SNN: variants seen among roughly 807,000 people sequenced by gnomAD.
SNN encodes the protein AG8_1.
A neutral mutation model predicts 5.3 loss-of-function variants in SNN; 5 were observed. That is an observed-to-expected ratio of 0.94 (90% CI 0.49 to 1.97). SNN has a LOEUF of 1.97. Ranked by LOEUF, SNN falls within the 30% of genes most tolerant of loss-of-function variation. SNN has a pLI of 0.01. For synonymous variants in SNN, 67 were observed against 52.1 expected, an observed-to-expected ratio of 1.29 and a Z score of -1.24; for missense variants, 127 against 121.6, an observed-to-expected ratio of 1.04 and a Z score of -0.21.
At position 11,672,355 on chromosome 16, in the gene SNN, T is replaced by C. The variant is rs1190347055; in HGVS notation, c.-85-3620T>C. 6.6e-6 allele frequency among the ~76,000 whole-genome samples: 1 copy of C among 151,816 alleles called. No homozygotes were observed. The highest frequency in any genetic ancestry group is 1.5e-5 in the Non-Finnish European group (1 of 67,914). On this transcript the variant is annotated intron_variant, in intron 1 of 1. Coordinates refer to ENST00000329565, the MANE Select transcript of SNN (RefSeq NM_003498.6). This position sits in a 1 kb window ranked among gnomAD's most constrained non-coding sequence, Gnocchi z 6.0. ...AGGGCAAGGCTGTAGTGGTGGGGTG[T>C]GGGAGGAGGGGCGCCTGGGTCCAGG...
intron 1 of SNN, among the ~76,000 whole-genome samples, chr16:11,673,969 G>C (rs572655338): frequency 6.6e-6 from 1 of 152,364 alleles, no homozygotes; most frequent in African/African-American, 2.4e-5. Context: ...CTCTGCAGAA[G>C]CTGCCGGTTT....
rs1422634709 is a variant in SNN at position 11,677,725 on chromosome 16, T to C, written c.*1399T>C. On this transcript the variant is annotated 3_prime_UTR_variant, in exon 2 of 2. Transcript: ENST00000329565. This position sits in a 1 kb window ranked among gnomAD's most constrained non-coding sequence, Gnocchi z 4.2. ...CACAAGCACATACTAATTTTATTTA[T>C]GATTCAAATGTGACTCGTGCCTGCC... 6.1e-6 allele frequency: 1 copy of C among 164,156 alleles called. No individual in the cohort carries two copies. The highest frequency in any genetic ancestry group is 1.5e-5 in the Non-Finnish European group (1 of 67,114). The allele number at this position is 164,156 out of a possible 1,614,324, so 10.2% of individuals were successfully genotyped here.
At position 11,676,078 on chromosome 16, in the gene SNN, A is replaced by G; in HGVS notation, c.19A>G (p.Ser7Gly). 5 of 1,609,102 alleles carry G rather than the reference A, an allele frequency of 3.1e-6. No homozygotes were observed. Among genetic ancestry groups the G allele is most frequent in the Non-Finnish European group, 4.2e-6 (5 of 1,176,632 alleles). Residue 7 changes from serine (S) to glycine (G), a missense_variant, in exon 2 of 2, where the codon AGC (serine) becomes GGC (glycine). Coordinates refer to ENST00000329565, the MANE Select transcript of SNN (RefSeq NM_003498.6). MSIMDH[S>G]PTTGVVTVIV... The stretch of plus-strand genomic sequence containing the variant: ...ACTGACCATGTCTATTATGGACCAC[A>G]GCCCCACCACGGGCGTGGTCACAGT...
rs1314521933 is a variant in SNN, at chr16:11,676,153, T to A, written c.94T>A (p.Cys32Ser). 1 of 1,614,238 alleles carries A rather than the reference T, an allele frequency of 6.2e-7. No individual in the cohort carries two copies. The highest frequency in any genetic ancestry group is 8.5e-7 in the Non-Finnish European group (1 of 1,180,042). The change falls in exon 2 of 2, where the codon TGC becomes AGC. Residue 32 changes from cysteine to serine, a missense_variant. Cys to Ser is a moderately radical substitution (Grantham distance 112). Coordinates refer to ENST00000329565, the MANE Select transcript of SNN (RefSeq NM_003498.6). ...GGCCCTGGGGGCCTTGATCCTGGGC[T>A]GCTGGTGCTACCTGCGGCTGCAGCG... Reference protein sequence around the residue: ...IAALGALILGCWCYLRLQRIS... With the variant: ...IAALGALILGSWCYLRLQRIS...
chr16:11,676,356 G>C lies in SNN; in HGVS notation c.*30G>C, dbSNP rs1200640304. 6.3e-7 allele frequency: 1 copy of C among 1,599,648 alleles called. No homozygotes were observed. Among genetic ancestry groups the C allele is most frequent in the Admixed American group, 1.7e-5 (1 of 59,242 alleles). On this transcript the variant is annotated 3_prime_UTR_variant, in exon 2 of 2. Coordinates refer to ENST00000329565, the MANE Select transcript of SNN (RefSeq NM_003498.6). ...GGATGCAAGGCTCCTGGTCCTGTTT[G>C]CAGCCGGCCAAGAGGCGCTGGGAGG...
At position 11,678,256 on chromosome 16, in the gene SNN, A is replaced by G. The variant is rs2050324835; in HGVS notation, c.*1930A>G. 6.0e-6 allele frequency: 1 copy of G among 167,068 alleles called. No individual in the cohort carries two copies. Among genetic ancestry groups the G allele is most frequent in the African/African-American group, 2.4e-5 (1 of 41,414 alleles). 10.3% of individuals were successfully genotyped at this position (167,068 alleles called of 1,614,324 possible). On this transcript the variant is annotated 3_prime_UTR_variant, in exon 2 of 2. Transcript: ENST00000329565. ...AAGTTCCAAAGGTGCCGACTGGAAG[A>G]AGGGGGTAAAAGTTTGCTTTGGTGA...
At position 11,675,980 on chromosome 16, in the gene SNN, C is replaced by T. The variant is rs748671762; in HGVS notation, c.-80C>T. 2 of 1,461,356 alleles carry T rather than the reference C, an allele frequency of 1.4e-6. No homozygotes were observed. Among genetic ancestry groups the T allele is most frequent in the Non-Finnish European group, 1.8e-6 (2 of 1,090,914 alleles). 90.5% of individuals were successfully genotyped at this position (1,461,356 alleles called of 1,614,324 possible). A position where few individuals can be genotyped will look rare whatever the true frequency, so the allele number is the denominator to read the frequency against. ...CAACCTGCTTTGTCTTTCAGGACTC[C>T]CGTGTCCAGCCTGAGTTCCAGCCTC... is the stretch of plus-strand genomic sequence containing the variant. On this transcript the variant is annotated 5_prime_UTR_variant, in exon 2 of 2. Transcript: ENST00000329565.
Position 11,671,787 on chromosome 16 carries a change from C to CTAGAAAGGAAGAA in SNN, c.-86+3247_-86+3248insTAGAAAGGAAGAA, listed in dbSNP as rs2050267618. Reference sequence around the variant, plus strand: ...AGAGGGGCTAGAAAGGAAGAACAGACAGGTGGGGTCCAGCCAGGCACAGGG... The same window carrying CTAGAAAGGAAGAA: ...AGAGGGGCTAGAAAGGAAGAACAGACTAGAAAGGAAGAAAGGTGGGGTCCAGCCAGGCACAGGG... On this transcript the variant is annotated intron_variant, in intron 1 of 1. Transcript: ENST00000329565. This position sits in a 1 kb window ranked among gnomAD's most constrained non-coding sequence, Gnocchi z 4.7. 1.3e-5 allele frequency among the ~76,000 whole-genome samples: 2 copies of CTAGAAAGGAAGAA among 152,168 alleles called. No homozygotes were observed. The highest frequency in any genetic ancestry group is 2.9e-5 in the Non-Finnish European group (2 of 68,032).
Position 11,671,668 on chromosome 16 carries a change from AC to A in SNN, c.-86+3131del, listed in dbSNP as rs1296895426. Among the ~76,000 whole-genome samples the A allele has an allele frequency of 3.3e-5, 5 of 152,018 alleles. No homozygotes were observed. In the East Asian group the frequency reaches 9.6e-4, roughly 29 times the overall value. The stretch of plus-strand genomic sequence containing the variant: ...ATGTGCCAGCCTGGGCATCTCCCCA[AC>A]CCAAGCTGTGGCCCGTCCCTGTCCC... On this transcript the variant is annotated intron_variant, in intron 1 of 1. Coordinates refer to ENST00000329565, the MANE Select transcript of SNN (RefSeq NM_003498.6). This position sits in a 1 kb window ranked among gnomAD's most constrained non-coding sequence, Gnocchi z 4.7.
At position 11,678,926 on chromosome 16, in the gene SNN, A is replaced by G. The variant is rs1369445185; in HGVS notation, c.*2600A>G. ...AGCAACAGTGGGGGCACAGGGAGGGAACTCTTGACACTGAGCCACTAAAAT... is the reference window on the plus strand; with the variant it reads ...AGCAACAGTGGGGGCACAGGGAGGGGACTCTTGACACTGAGCCACTAAAAT... On this transcript the variant is annotated 3_prime_UTR_variant, in exon 2 of 2. Coordinates refer to ENST00000329565, the MANE Select transcript of SNN (RefSeq NM_003498.6). 2.3e-6 allele frequency: 1 copy of G among 443,946 alleles called. No individual in the cohort carries two copies. The highest frequency in any genetic ancestry group is 4.2e-6 in the Non-Finnish European group (1 of 240,314). The allele number at this position is 443,946 out of a possible 1,614,324, so 27.5% of individuals were successfully genotyped here.
chr16:11,670,630 C>T (rs570185501), intron 1 of SNN, among the ~76,000 whole-genome samples: 2 of 152,382 alleles, frequency 1.3e-5, no homozygotes, highest in Admixed American at 1.3e-4. Flanking sequence ...AGGTCAGGGA[C>T]TCGTATCCGC....
At chr16:11,673,888 C>T (rs1410187512) in intron 1 of SNN, among the ~76,000 whole-genome samples, 4 of 152,212 alleles carry the variant, frequency 2.6e-5, no homozygotes, top group Non-Finnish European at 5.9e-5. Context: ...TTAGCGCCTG[C>T]GGCAGCCTGT....
Position 11,676,302 on chromosome 16 carries a change from C to G in SNN, c.243C>G (p.Pro81=), listed in dbSNP as rs1362806743. The stretch of plus-strand genomic sequence containing the variant: ...AGAGAAAGGCCAAGCTGATGACTCC[C>G]AACGGCCCGGAAGTCCACGGCTGAG... ...CVERKAKLMT[P]NGPEVHG Residue 81 remains proline, a synonymous_variant, in exon 2 of 2, where the codon CCC becomes CCG. Transcript: ENST00000329565. The G allele has an allele frequency of 1.9e-6, 3 of 1,613,822 alleles. No homozygotes were observed. Among genetic ancestry groups the G allele is most frequent in the Admixed American group, 1.7e-5 (1 of 59,996 alleles).
Position 11,676,173 on chromosome 16 carries a change from GCAGCGCAT to G in SNN, c.119_126del (p.Arg40ProfsTer76). ...TGGGCTGCTGGTGCTACCTGCGGCT[GCAGCGCAT>G]CAGCCAGTCAGAGGACGAGGAGAGC... On this transcript the variant is annotated frameshift_variant, in exon 2 of 2. Coordinates refer to ENST00000329565, the MANE Select transcript of SNN (RefSeq NM_003498.6). LOFTEE classifies it high-confidence loss of function. The G allele has an allele frequency of 6.2e-7, 1 of 1,614,250 alleles. No homozygotes were observed. Among genetic ancestry groups the G allele is most frequent in the Non-Finnish European group, 8.5e-7 (1 of 1,180,052 alleles).
Position 11,678,030 on chromosome 16 carries a change from G to C in SNN, c.*1704G>C, listed in dbSNP as rs1348657158. On this transcript the variant is annotated 3_prime_UTR_variant, in exon 2 of 2. Transcript: ENST00000329565. ...AGGGACAGCCGGCTGGGCCACCTGA[G>C]CAGAAGGTGGTAATGAAACACCTCA... 6.0e-6 allele frequency: 1 copy of C among 167,256 alleles called. No individual in the cohort carries two copies. Among genetic ancestry groups the C allele is most frequent in the African/African-American group, 2.4e-5 (1 of 41,466 alleles). The allele number at this position is 167,256 out of a possible 1,614,324, so 10.4% of individuals were successfully genotyped here. A position where few individuals can be genotyped will look rare whatever the true frequency, so the allele number is the denominator to read the frequency against.
In SNN at chr16:11,679,040, A is replaced by G. The variant is rs2050335836; in HGVS notation, c.*2714A>G. 3 of 794,090 alleles carry G rather than the reference A, an allele frequency of 3.8e-6. No individual in the cohort carries two copies. The highest frequency in any genetic ancestry group is 3.7e-5 in the South Asian group (2 of 53,688). The allele number at this position is 794,090 out of a possible 1,614,324, so 49.2% of individuals were successfully genotyped here. A position where few individuals can be genotyped will look rare whatever the true frequency, so the allele number is the denominator to read the frequency against. On this transcript the variant is annotated 3_prime_UTR_variant, in exon 2 of 2. Transcript: ENST00000329565. The surrounding 1 kb of genome is among the most constrained non-coding windows in gnomAD (Gnocchi z 4.6). ...CAAGTTTGTGCAATAAGTGGAAGGG[A>G]TGTCATCCTTCTTCAATAAATGCTG...
intron 1 of SNN, among the ~76,000 whole-genome samples, chr16:11,674,903 GTC>G (rs1192972804): frequency 1.3e-5 from 2 of 152,200 alleles, no homozygotes; most frequent in African/African-American, 4.8e-5. Context: ...ACCAGTTACA[GTC>G]TGGCGCCTGC....
chr16:11,676,436 C>A lies in SNN; in HGVS notation c.*110C>A. ...GAGAGGAAGGGCTGACACTTGCTGG[C>A]ATGGCCTCTGCGGGCTTCGTCATCG... On this transcript the variant is annotated 3_prime_UTR_variant, in exon 2 of 2. Transcript: ENST00000329565. 1 of 1,338,700 alleles carries A rather than the reference C, an allele frequency of 7.5e-7. No individual in the cohort carries two copies. The highest frequency in any genetic ancestry group is 1.0e-6 in the Non-Finnish European group (1 of 982,900). The allele number at this position is 1,338,700 out of a possible 1,614,324, so 82.9% of individuals were successfully genotyped here.
chr16:11,670,721 T>C (rs1200693797), intron 1 of SNN, among the ~76,000 whole-genome samples: 2 of 152,224 alleles, frequency 1.3e-5, no homozygotes, highest in African/African-American at 2.4e-5. Flanking sequence ...AGTGCTGGTC[T>C]GGGAGGATGG....
Sources: allele counts gnomAD v4.1 joint callset (sites outside exome capture counted in the v4.1 genomes callset), GRCh38; gene constraint gnomAD v4.1.1; non-coding constraint Gnocchi (gnomAD v3.1); transcripts MANE v1.5; gene names NCBI Gene and HGNC (gene_info 2026-07-23, HGNC 2026-07-21).